Variants in SV2C observed in about 807,000 individuals in gnomAD.
SV2C encodes the protein solute carrier family 22 member B3.
SV2C carries 49 observed loss-of-function variants against 79.7 expected under a neutral mutation model. The observed-to-expected ratio is 0.61, with a 90% CI of 0.49 to 0.78. SV2C has a LOEUF of 0.78. Ranked by LOEUF, SV2C falls within the 30% of genes least tolerant of loss-of-function variation. The pLI is 0.00. For missense variants in SV2C, 833 were observed against 912.9 expected (o/e 0.91, Z 1.13); for synonymous variants, 334 against 333.2 (o/e 1.00, Z -0.03).
chr5:76,184,094 A>C (rs1743834616), intron 2 of SV2C, among the ~76,000 whole-genome samples: 1 of 152,218 alleles, frequency 6.6e-6, no homozygotes, highest in Non-Finnish European at 1.5e-5. Context: ...CCTATGCCAA[A>C]ACCTTGGTGT....
At chr5:75,924,592 T>C in the SV2C span, among the ~76,000 whole-genome samples, 3 of 152,198 alleles carry the variant, frequency 2.0e-5, no homozygotes, top group Non-Finnish European at 4.4e-5. Flanking sequence ...ATATGCTGCC[T>C]TTCTTAAATA....
intron 4 of SV2C, among the ~76,000 whole-genome samples, chr5:76,263,513 T>G (rs925450523): frequency 6.6e-6 from 1 of 152,312 alleles, no homozygotes; most frequent in Admixed American, 6.5e-5. Context: ...ATTATGATGC[T>G]AGCTTGTTAT....
At chr5:75,927,730 T>G in the SV2C span, among the ~76,000 whole-genome samples, 3 of 152,188 alleles carry the variant, frequency 2.0e-5, no homozygotes, top group African/African-American at 7.2e-5. Flanking sequence ...ATGGATATGT[T>G]TAGTGCCTTG....
chr5:75,862,027 A>G, the SV2C span, among the ~76,000 whole-genome samples: 1 of 152,228 alleles, frequency 6.6e-6, no homozygotes, highest in African/African-American at 2.4e-5. Flanking sequence ...ATTTACTTCC[A>G]TCTCTCATAG....
chr5:76,004,262 A>T, the SV2C span, among the ~76,000 whole-genome samples: 1 of 152,218 alleles, frequency 6.6e-6, no homozygotes, highest in Admixed American at 6.5e-5. Context: ...ATACACTACC[A>T]GAAAATTCTT....
intron 2 of SV2C, among the ~76,000 whole-genome samples, chr5:76,157,703 A>G (rs1172739068): frequency 6.6e-6 from 1 of 151,910 alleles, no homozygotes; most frequent in Admixed American, 6.6e-5. Flanking sequence ...ACAAATTCAC[A>G]TAAACAAACG....
At chr5:76,225,947 T>G (rs1021098466) in intron 4 of SV2C, among the ~76,000 whole-genome samples, 3 of 152,192 alleles carry the variant, frequency 2.0e-5, no homozygotes, top group Non-Finnish European at 4.4e-5. Flanking sequence ...GCTTCTAGGC[T>G]AAGGTTGGAC....
At chr5:75,983,249 T>G in the SV2C span, among the ~76,000 whole-genome samples, 1 of 152,116 alleles carries the variant, frequency 6.6e-6, no homozygotes, top group Admixed American at 6.6e-5. Context: ...GAGGATCTGG[T>G]GTGACTAATC....
chr5:75,901,929 A>G, the SV2C span, among the ~76,000 whole-genome samples: 1 of 151,866 alleles, frequency 6.6e-6, no homozygotes, highest in African/African-American at 2.4e-5. Context: ...GCCATTTTTT[A>G]AGCCCGTCAG....
At chr5:75,910,808 A>G in the SV2C span, 1 of 1,327,990 alleles carries the variant, frequency 7.5e-7, no homozygotes, top group Non-Finnish European at 1.1e-6. Context: ...CATCTTCCAA[A>G]ACATTTCCAA....
At chr5:75,901,711 C>G in the SV2C span, among the ~76,000 whole-genome samples, 1 of 152,266 alleles carries the variant, frequency 6.6e-6, no homozygotes, top group Admixed American at 6.5e-5. Context: ...CAGAGGCAGG[C>G]AGGCCTCCTT....
the SV2C span, among the ~76,000 whole-genome samples, chr5:75,868,473 C>T: frequency 7.5e-4 from 114 of 152,168 alleles, no homozygotes; most frequent in Non-Finnish European, 1.2e-3. Flanking sequence ...GGGTCGCTCT[C>T]GTAAACAATA....
intron 12 of SV2C, 65 bp from the exon 13 acceptor site, chr5:76,325,299 T>G (rs1748954586): frequency 6.6e-7 from 1 of 1,510,214 alleles, no homozygotes; most frequent in Non-Finnish European, 9.1e-7. Context: ...TAGGATCTTT[T>G]GGTCTAAAGT....
At chr5:75,928,096 TATAAC>T in the SV2C span, among the ~76,000 whole-genome samples, 23 of 152,354 alleles carry the variant, frequency 1.5e-4, no homozygotes, top group South Asian at 2.1e-4. Context: ...TGGTACAGTA[TATAAC>T]ATAAGATTTG....
At chr5:76,054,593 A>C in the SV2C span, among the ~76,000 whole-genome samples, 1 of 152,206 alleles carries the variant, frequency 6.6e-6, no homozygotes, top group African/African-American at 2.4e-5. Context: ...TGATTGAACT[A>C]ATTTACATTC....
intron 2 of SV2C, among the ~76,000 whole-genome samples, chr5:76,148,685 C>A (rs7734441): frequency 0.33 from 49,483 of 152,056 alleles, 9,628 homozygotes; most frequent in Non-Finnish European, 0.45. Flanking sequence ...AACTCCTGGG[C>A]TCAAATGATC....
chr5:75,892,202 T>C, the SV2C span, among the ~76,000 whole-genome samples: 33 of 152,206 alleles, frequency 2.2e-4, no homozygotes, highest in East Asian at 6.0e-3. Flanking sequence ...TTCCCTGGTT[T>C]GGGTCTTGCT....
At chr5:76,193,782 CT>C (rs1744180869) in intron 2 of SV2C, among the ~76,000 whole-genome samples, 1 of 152,126 alleles carries the variant, frequency 6.6e-6, no homozygotes, top group Non-Finnish European at 1.5e-5. Context: ...CACTTACTGT[CT>C]GTTAGATCAA....
At chr5:76,247,358 T>A (rs553066336) in intron 4 of SV2C, among the ~76,000 whole-genome samples, 2 of 152,366 alleles carry the variant, frequency 1.3e-5, no homozygotes, top group Admixed American at 6.5e-5. Context: ...GCTGTGATTA[T>A]TTGTATGCTT....
Sources: allele counts gnomAD v4.1 joint callset (sites outside exome capture counted in the v4.1 genomes callset), GRCh38; gene constraint gnomAD v4.1.1; transcripts MANE v1.5; gene names NCBI Gene and HGNC (gene_info 2026-07-23, HGNC 2026-07-21).